The following TRPM3 variants were observed in gnomAD, a reference collection of about 807,000 sequenced individuals.
TRPM3 encodes transient receptor potential cation channel subfamily M member 3.
A neutral mutation model predicts 181.2 loss-of-function variants in TRPM3; 77 were observed. The observed-to-expected ratio is 0.42, with a 90% CI of 0.35 to 0.51. The LOEUF (loss-of-function observed/expected upper bound fraction) is 0.51. Among genes scored for constraint, TRPM3 ranks in the 20% least tolerant of loss-of-function variants. The pLI is 0.01. For missense variants in TRPM3, 1,759 were observed against 2,196.7 expected (o/e 0.80, Z 3.98); for synonymous variants, 745 against 796.4 (o/e 0.94, Z 1.09).
chr9:71,185,421 A>T (rs1376380612), intron 1 of TRPM3, among the ~76,000 whole-genome samples: 1 of 152,138 alleles, frequency 6.6e-6, no homozygotes, highest in African/African-American at 2.4e-5. Flanking sequence ...AAAACAAAAC[A>T]GAAACAGTAA....
At chr9:71,378,338 C>T (rs2092714211) in intron 1 of TRPM3, among the ~76,000 whole-genome samples, 1 of 152,090 alleles carries the variant, frequency 6.6e-6, no homozygotes, top group Non-Finnish European at 1.5e-5. Context: ...AGCAACAGAA[C>T]TTGCATATAC....
At chr9:70,689,504 C>A in intron 8 of TRPM3, among the ~76,000 whole-genome samples, 1 of 131,462 alleles carries the variant, frequency 7.6e-6, no homozygotes. Context: ...ACTACAGTAA[C>A]CATCACTAAA....
intron 1 of TRPM3, among the ~76,000 whole-genome samples, chr9:70,882,455 C>A (rs945375010): frequency 6.6e-6 from 1 of 151,900 alleles, no homozygotes; most frequent in Non-Finnish European, 1.5e-5. Context: ...TGTTAGAATA[C>A]CCACAAAACT....
rs549190591 is a variant in TRPM3, at chr9:71,240,675, A to C, written c.183+205978T>G. The stretch of plus-strand genomic sequence containing the variant: ...GGAACAAAGATAGCAATTTGTAAAA[A>C]AAGTTATTTTAAGACTTTTATAAAA... On this transcript the variant is annotated intron_variant, in intron 1 of 24. Coordinates refer to the TRPM3 transcript ENST00000357533. Among the ~76,000 whole-genome samples, 152 of 151,590 alleles carry C rather than the reference A, an allele frequency of 1.0e-3. 1 individual carries two copies. Among genetic ancestry groups the C allele is most frequent in the African/African-American group, 3.5e-3 (142 of 40,960 alleles).
At chr9:70,769,555 T>C (rs1033428628) in intron 7 of TRPM3, among the ~76,000 whole-genome samples, 4 of 152,122 alleles carry the variant, frequency 2.6e-5, no homozygotes, top group African/African-American at 7.2e-5. Flanking sequence ...ATTCACTTGA[T>C]TTAATCATCC....
At chr9:71,326,885 G>C (rs924239397) in intron 1 of TRPM3, among the ~76,000 whole-genome samples, 1 of 152,174 alleles carries the variant, frequency 6.6e-6, no homozygotes, top group Admixed American at 6.5e-5. Flanking sequence ...GCTCCAATCT[G>C]AGAGTGCACG....
chr9:71,258,963 C>G (rs564375202), intron 1 of TRPM3, among the ~76,000 whole-genome samples: 1 of 152,148 alleles, frequency 6.6e-6, no homozygotes, highest in East Asian at 1.9e-4. Flanking sequence ...GTTACATAGG[C>G]ATACATGTGC....
intron 3 of TRPM3, among the ~76,000 whole-genome samples, chr9:70,853,309 C>G (rs2095293719): frequency 6.6e-6 from 1 of 152,138 alleles, no homozygotes; most frequent in Non-Finnish European, 1.5e-5. Flanking sequence ...GGCTGTTCTT[C>G]TCTAATTTTA....
intron 7 of TRPM3, among the ~76,000 whole-genome samples, chr9:70,772,400 A>T (rs1275893643): frequency 6.6e-6 from 1 of 151,272 alleles, no homozygotes; most frequent in East Asian, 1.9e-4. Context: ...TCATTGCAGC[A>T]TCAACCTCCT....
chr9:71,154,353 A>G (rs896267174), intron 1 of TRPM3, among the ~76,000 whole-genome samples: 16 of 152,160 alleles, frequency 1.1e-4, no homozygotes, highest in Non-Finnish European at 2.2e-4. Context: ...CTAGGAAGAC[A>G]GAGCATGTAG....
rs115733752 is a variant in TRPM3, at chr9:71,138,801, G to A, written c.184-274290C>T. 9.2e-3 allele frequency among the ~76,000 whole-genome samples: 1,397 copies of A among 151,948 alleles called. 20 individuals carry two copies. Among genetic ancestry groups the A allele is most frequent in the African/African-American group, 0.032 (1,320 of 41,438 alleles). ...CTGTAACTGGCTCTTTGATCCCCTCGGTGTACTTACAACTTACATTTCACA... is the reference window on the plus strand; with the variant it reads ...CTGTAACTGGCTCTTTGATCCCCTCAGTGTACTTACAACTTACATTTCACA... On this transcript the variant is annotated intron_variant, in intron 1 of 24. Transcript: ENST00000357533.
chr9:70,874,883 T>C (rs1371182246), intron 1 of TRPM3, among the ~76,000 whole-genome samples: 2 of 151,716 alleles, frequency 1.3e-5, no homozygotes, highest in Non-Finnish European at 2.9e-5. Flanking sequence ...TCTCTCTCTG[T>C]CTATATGTAT....
At chr9:70,783,391 T>G (rs938132440) in intron 7 of TRPM3, among the ~76,000 whole-genome samples, 13 of 152,136 alleles carry the variant, frequency 8.5e-5, no homozygotes, top group African/African-American at 3.1e-4. Flanking sequence ...GGATGGTTTA[T>G]TTTGATCTAA....
intron 1 of TRPM3, among the ~76,000 whole-genome samples, chr9:71,362,726 C>T (rs1177426678): frequency 6.6e-6 from 1 of 152,100 alleles, no homozygotes; most frequent in Non-Finnish European, 1.5e-5. Context: ...AATACATTTT[C>T]TTCTAATATA....
At chr9:70,586,839 C>G (rs1330263388) in intron 22 of TRPM3, among the ~76,000 whole-genome samples, 1 of 152,114 alleles carries the variant, frequency 6.6e-6, no homozygotes, top group African/African-American at 2.4e-5. Context: ...AGACTGGCTC[C>G]TTGAGATGTT....
At chr9:70,549,760 A>G (rs2046014381) in intron 24 of TRPM3, 86 bp from the exon 25 acceptor site, 1 of 1,413,240 alleles carries the variant, frequency 7.1e-7, no homozygotes, top group Non-Finnish European at 9.4e-7. Context: ...CATTCTCAGT[A>G]TAAATCTAGG....
At chr9:71,197,016 C>A (rs922091451) in intron 1 of TRPM3, among the ~76,000 whole-genome samples, 1 of 152,096 alleles carries the variant, frequency 6.6e-6, no homozygotes, top group Non-Finnish European at 1.5e-5. Flanking sequence ...TATCTCTCCC[C>A]CGACTTCCCA....
intron 1 of TRPM3, among the ~76,000 whole-genome samples, chr9:71,159,734 T>A (rs1023794724): frequency 6.6e-6 from 1 of 152,126 alleles, no homozygotes; most frequent in Non-Finnish European, 1.5e-5. Context: ...AAATATTGCT[T>A]CCTTACTATT....
intron 1 of TRPM3, among the ~76,000 whole-genome samples, chr9:71,436,751 C>G (rs1381285903): frequency 6.6e-6 from 1 of 152,164 alleles, no homozygotes; most frequent in Non-Finnish European, 1.5e-5. Context: ...ATTACAGAAA[C>G]ACAGCCCTGC....
Sources: gnomAD v4.1 joint callset for allele counts (sites outside exome capture counted in the v4.1 genomes callset) on GRCh38, gnomAD v4.1.1 for gene constraint, MANE v1.5 for transcripts, NCBI Gene and HGNC (gene_info 2026-07-23, HGNC 2026-07-21) for gene names.